CNTN5: variants seen among roughly 807,000 people sequenced by gnomAD.
CNTN5 encodes the protein contactin 5.
In CNTN5, 77 loss-of-function variants were observed where a neutral mutation model predicts 129.1. That is an observed-to-expected ratio of 0.60 (90% confidence interval 0.50 to 0.72). CNTN5 has a LOEUF of 0.72. Among genes scored for constraint, CNTN5 ranks in the 30% least tolerant of loss-of-function variants. The pLI is 0.00. For missense variants in CNTN5, 1,478 were observed against 1,328.8 expected (o/e 1.11, Z -1.75); for synonymous variants, 509 against 465.6 (o/e 1.09, Z -1.20).
At chr11:99,144,153 G>C (rs1591269286) in intron 1 of CNTN5, among the ~76,000 whole-genome samples, 2 of 152,066 alleles carry the variant, frequency 1.3e-5, no homozygotes, top group South Asian at 4.1e-4. Flanking sequence ...ATTTGTGTCT[G>C]ATCTTTTTCA....
In CNTN5 at chr11:99,924,007, G is replaced by A. The variant is rs138369089; in HGVS notation, c.673+7858G>A. Among the ~76,000 whole-genome samples, 428 of 152,286 alleles carry A rather than the reference G, an allele frequency of 2.8e-3. 7 individuals carry two copies. Among genetic ancestry groups the A allele is most frequent in the African/African-American group, 0.01 (416 of 41,564 alleles). On this transcript the variant is annotated intron_variant, in intron 7 of 24. Coordinates refer to ENST00000524871, the MANE Select transcript of CNTN5 (RefSeq NM_014361.4). ...GGGTTTCACCATGTTGGCCACGATG[G>A]CCTCAATCTCCTGACCTCATGGTCC...
Position 99,348,341 on chromosome 11 carries a change from C to G in CNTN5, c.-71+22857C>G, listed in dbSNP as rs997801002. 6.6e-5 allele frequency among the ~76,000 whole-genome samples: 10 copies of G among 152,008 alleles called. No individual in the cohort carries two copies. In the East Asian group the frequency reaches 1.4e-3, roughly 21 times the overall value. On this transcript the variant is annotated intron_variant, in intron 2 of 24. Transcript: ENST00000524871. Reference sequence around the variant, plus strand: ...GCGACAGAGCGAGACTCCGTCCCCCCCAAAAAAATACACTAGAACAGTCTT... The same window carrying G: ...GCGACAGAGCGAGACTCCGTCCCCCGCAAAAAAATACACTAGAACAGTCTT...
intron 3 of CNTN5, among the ~76,000 whole-genome samples, chr11:99,636,311 G>T (rs1951552135): frequency 6.6e-6 from 1 of 152,036 alleles, no homozygotes; most frequent in Non-Finnish European, 1.5e-5. Flanking sequence ...CCTAATATAT[G>T]CCAAGATATT....
At chr11:100,242,137 C>T (rs1591429406) in intron 16 of CNTN5, among the ~76,000 whole-genome samples, 2 of 152,246 alleles carry the variant, frequency 1.3e-5, no homozygotes, top group East Asian at 1.9e-4. Context: ...GACATTATCA[C>T]CTCCACTCTC....
intron 1 of CNTN5, among the ~76,000 whole-genome samples, chr11:99,241,318 GTT>G (rs10648459): frequency 3.4e-5 from 3 of 88,050 alleles, no homozygotes; most frequent in Admixed American, 1.5e-4. Context: ...TTGATTGTTG[GTT>G]TTTTTTTTTT....
intron 1 of CNTN5, among the ~76,000 whole-genome samples, chr11:99,220,394 T>G (rs546345614): frequency 6.6e-6 from 1 of 152,094 alleles, no homozygotes; most frequent in Admixed American, 6.6e-5. Context: ...ATTATTTGCT[T>G]ACATAAATAT....
intron 2 of CNTN5, among the ~76,000 whole-genome samples, chr11:99,372,700 A>G (rs772360505): frequency 6.6e-6 from 1 of 152,102 alleles, no homozygotes; most frequent in Non-Finnish European, 1.5e-5. Flanking sequence ...ATATCTTGTG[A>G]TGTTCTGATT....
At chr11:99,321,814 T>A (rs1182517644) in intron 1 of CNTN5, among the ~76,000 whole-genome samples, 4 of 152,108 alleles carry the variant, frequency 2.6e-5, no homozygotes, top group Non-Finnish European at 5.9e-5. Context: ...AGGTAGTAGG[T>A]AGATCAGCTT....
chr11:99,699,213 A>G (rs1954409022), intron 3 of CNTN5, among the ~76,000 whole-genome samples: 1 of 151,490 alleles, frequency 6.6e-6, no homozygotes, highest in Non-Finnish European at 1.5e-5. Context: ...CTAAGCAATG[A>G]CACTTTAAAA....
chr11:100,326,683 C>A (rs1273909696), intron 21 of CNTN5, among the ~76,000 whole-genome samples: 2 of 152,024 alleles, frequency 1.3e-5, no homozygotes, highest in African/African-American at 4.8e-5. Flanking sequence ...ATAAAGCAAT[C>A]ATGAATAAAT....
chr11:99,741,280 G>C (rs934851060), intron 3 of CNTN5, among the ~76,000 whole-genome samples: 1 of 152,082 alleles, frequency 6.6e-6, no homozygotes, highest in Non-Finnish European at 1.5e-5. Context: ...AACATTGAAT[G>C]GTAATGTTTC....
chr11:100,041,255 C>T (rs895523155), intron 9 of CNTN5, among the ~76,000 whole-genome samples: 1 of 152,136 alleles, frequency 6.6e-6, no homozygotes, highest in Admixed American at 6.5e-5. Flanking sequence ...CAAGTCTGAA[C>T]AAAAACATTT....
At chr11:100,176,823 T>A (rs1375020296) in intron 13 of CNTN5, among the ~76,000 whole-genome samples, 2 of 149,700 alleles carry the variant, frequency 1.3e-5, no homozygotes. Flanking sequence ...ACTACATATT[T>A]AATATATGAG....
rs867684186 is a variant in CNTN5, at chr11:99,998,737, G to T, written c.878-3297G>T. On this transcript the variant is annotated intron_variant, in intron 8 of 24. Transcript: ENST00000524871. ...AAAAGAACAAAGCTGGAGGCATCAC[G>T]CTACCTGACTTCAAAATATACTACA... Among the ~76,000 whole-genome samples, 14 of 145,220 alleles carry T rather than the reference G, an allele frequency of 9.6e-5. 1 individual carries two copies. Among genetic ancestry groups the T allele is most frequent in the East Asian group, 8.4e-4 (4 of 4,766 alleles).
At chr11:99,070,594 T>C (rs1041094975) in intron 1 of CNTN5, among the ~76,000 whole-genome samples, 7 of 152,142 alleles carry the variant, frequency 4.6e-5, no homozygotes, top group African/African-American at 1.2e-4. Context: ...GAGATCTTTA[T>C]ATACATGCTT....
chr11:99,675,957 A>C (rs1953262830), intron 3 of CNTN5, among the ~76,000 whole-genome samples: 1 of 152,044 alleles, frequency 6.6e-6, no homozygotes, highest in African/African-American at 2.4e-5. Flanking sequence ...AAAAATACAA[A>C]ATTCTCTATA....
intron 2 of CNTN5, among the ~76,000 whole-genome samples, chr11:99,506,821 T>C (rs567490810): frequency 1.3e-5 from 2 of 152,292 alleles, no homozygotes; most frequent in South Asian, 2.1e-4. Context: ...TTATTTGTTA[T>C]AGTAAAAAAT....
At chr11:99,788,135 C>T (rs944979006) in intron 3 of CNTN5, among the ~76,000 whole-genome samples, 1 of 151,938 alleles carries the variant, frequency 6.6e-6, no homozygotes, top group Non-Finnish European at 1.5e-5. Context: ...AGTTTGTACA[C>T]TTTTTCTGTA....
intron 13 of CNTN5, among the ~76,000 whole-genome samples, chr11:100,078,235 T>G (rs1263366705): frequency 6.6e-6 from 1 of 152,142 alleles, no homozygotes; most frequent in Non-Finnish European, 1.5e-5. Context: ...GTGTATATAT[T>G]TTGCTAAGGA....
Sources: gnomAD v4.1 joint callset for allele counts (sites outside exome capture counted in the v4.1 genomes callset) on GRCh38, gnomAD v4.1.1 for gene constraint, MANE v1.5 for transcripts, NCBI Gene and HGNC (gene_info 2026-07-23, HGNC 2026-07-21) for gene names.